Variants in CCDC91 observed in about 807,000 individuals in gnomAD.
The protein encoded by CCDC91 is coiled-coil domain-containing protein 91.
Under a neutral mutation model 63.2 loss-of-function variants are expected in CCDC91, and 48 were observed. The ratio of observed to expected loss-of-function variants is 0.76; its 90% CI spans 0.60 to 0.97. The LOEUF is 0.97. CCDC91 is among the 50% of genes least tolerant of loss of function. The probability of loss-of-function intolerance (pLI) is 0.00; values close to 1 mark genes in which losing one functional copy is unlikely to be tolerated. For synonymous variants in CCDC91, 167 were observed against 165.8 expected (o/e 1.01, Z -0.06); for missense variants, 500 against 494.6 (o/e 1.01, Z -0.10).
chr12:28,415,747 G>C (rs1467318899), intron 8 of CCDC91, among the ~76,000 whole-genome samples: 8 of 151,656 alleles, frequency 5.3e-5, no homozygotes, highest in South Asian at 4.2e-4. Flanking sequence ...CTCCCTACCT[G>C]AAAATATTCT....
intron 12 of CCDC91, among the ~76,000 whole-genome samples, chr12:28,485,084 A>G (rs1951647632): frequency 6.6e-6 from 1 of 151,932 alleles, no homozygotes; most frequent in South Asian, 2.1e-4. Context: ...AAAATATACG[A>G]TAAGATATTA....
At chr12:28,352,360 G>A (rs1310026523) in intron 6 of CCDC91, among the ~76,000 whole-genome samples, 3 of 152,132 alleles carry the variant, frequency 2.0e-5, no homozygotes, top group Non-Finnish European at 4.4e-5. Flanking sequence ...TCTGTAACAT[G>A]CAGTGCTGTG....
At chr12:28,329,284 C>T (rs1014446566) in intron 6 of CCDC91, among the ~76,000 whole-genome samples, 16 of 152,032 alleles carry the variant, frequency 1.1e-4, no homozygotes, top group Admixed American at 4.6e-4. Flanking sequence ...GACTTTCCGT[C>T]GTTTTATTCA....
rs531561750 is a variant in CCDC91, at chr12:28,252,960, A to T, written c.-14-4242A>T. On this transcript the variant is annotated intron_variant, in intron 1 of 12. Transcript: ENST00000536442. ...AGTTAGCTATTATAATATTCGATAG[A>T]TGAGGAAACTGAGGCACACAATGTT... 5.3e-5 allele frequency among the ~76,000 whole-genome samples: 8 copies of T among 152,312 alleles called. No individual in the cohort carries two copies. The East Asian group carries it at 1.4e-3, about 26-fold the overall frequency.
At chr12:28,490,842 A>G (rs1418763255) in intron 12 of CCDC91, among the ~76,000 whole-genome samples, 1 of 151,572 alleles carries the variant, frequency 6.6e-6, no homozygotes, top group African/African-American at 2.4e-5. Context: ...TGCTCTTTTC[A>G]CTTGCATAAG....
Position 28,549,299 on chromosome 12 carries a change from G to C in CCDC91, c.*126G>C, listed in dbSNP as rs1159368207. ...ATGTAGAATTGATTTCCAGTTCAAG[G>C]ATAAACCAAAACAATATTTAGAACT... On this transcript the variant is annotated 3_prime_UTR_variant, in exon 13 of 13. Transcript: ENST00000536442. 5.1e-6 allele frequency: 3 copies of C among 583,922 alleles called. No homozygotes were observed. Among genetic ancestry groups the C allele is most frequent in the Non-Finnish European group, 9.3e-6 (3 of 322,786 alleles). 36.2% of individuals were successfully genotyped at this position (583,922 alleles called of 1,614,324 possible). A position where few individuals can be genotyped will look rare whatever the true frequency, so the allele number is the denominator to read the frequency against.
chr12:28,530,917 A>G (rs565840120), intron 12 of CCDC91, among the ~76,000 whole-genome samples: 6 of 152,230 alleles, frequency 3.9e-5, no homozygotes, highest in East Asian at 1.9e-4. Flanking sequence ...TGCCAGTTAT[A>G]AGAGGGCTTG....
At chr12:28,384,970 A>T (rs1945511573) in intron 7 of CCDC91, among the ~76,000 whole-genome samples, 1 of 152,076 alleles carries the variant, frequency 6.6e-6, no homozygotes, top group African/African-American at 2.4e-5. Flanking sequence ...ACAATTTAAT[A>T]TCCTTACAAA....
intron 12 of CCDC91, among the ~76,000 whole-genome samples, chr12:28,534,650 A>G (rs1455087017): frequency 6.6e-6 from 1 of 152,206 alleles, no homozygotes; most frequent in Non-Finnish European, 1.5e-5. Flanking sequence ...GCAAGACTCA[A>G]ACATGTCTTT....
chr12:28,392,573 A>T (rs116038024), intron 8 of CCDC91, among the ~76,000 whole-genome samples: 1 of 152,220 alleles, frequency 6.6e-6, no homozygotes, highest in Non-Finnish European at 1.5e-5. Flanking sequence ...CCCAATCACA[A>T]TGGGGCCAGA....
chr12:28,320,620 G>A (rs901320895), intron 6 of CCDC91, among the ~76,000 whole-genome samples: 2 of 151,876 alleles, frequency 1.3e-5, no homozygotes, highest in Non-Finnish European at 2.9e-5. Flanking sequence ...CTAGTTTGAA[G>A]CAAATGCTTA....
chr12:28,362,384 T>C, intron 6 of CCDC91, 54 bp from the exon 7 acceptor site: 1 of 1,300,248 alleles, frequency 7.7e-7, no homozygotes. Flanking sequence ...GTTTTATTAT[T>C]TTGAAAACAA....
At position 28,450,364 on chromosome 12, in the gene CCDC91, G is replaced by A. The variant is rs754599097; in HGVS notation, c.870G>A (p.Lys290=). 2 of 1,612,072 alleles carry A rather than the reference G, an allele frequency of 1.2e-6. No individual in the cohort carries two copies. Among genetic ancestry groups the A allele is most frequent in the Non-Finnish European group, 1.7e-6 (2 of 1,178,460 alleles). The change falls in exon 10 of 13, where the codon AAG becomes AAA. Residue 290 remains lysine (K), a synonymous_variant. Transcript: ENST00000536442. ...TCATTTGACAGGAAATATTGGAAAAGTGTTTGGAGGAAGAAAGGCAAAGAA... is the reference window on the plus strand; with the variant it reads ...TCATTTGACAGGAAATATTGGAAAAATGTTTGGAGGAAGAAAGGCAAAGAA... The part of the protein sequence containing the change: ...QSQEQKEILE[K]CLEEERQRNK...
intron 8 of CCDC91, among the ~76,000 whole-genome samples, chr12:28,422,096 T>C (rs1948050165): frequency 6.6e-6 from 1 of 152,142 alleles, no homozygotes; most frequent in South Asian, 2.1e-4. Context: ...TCTATCACTT[T>C]AGGATTTGCC....
intron 6 of CCDC91, among the ~76,000 whole-genome samples, chr12:28,310,075 T>C (rs1006264921): frequency 2.6e-5 from 4 of 152,054 alleles, no homozygotes; most frequent in African/African-American, 9.7e-5. Context: ...TGAACTAATA[T>C]CATGCACCCT....
At chr12:28,433,055 T>TG (rs1458230742) in intron 8 of CCDC91, among the ~76,000 whole-genome samples, 1 of 152,086 alleles carries the variant, frequency 6.6e-6, no homozygotes. Flanking sequence ...CATTTTTTTT[T>TG]AAGTCAGGCC....
At chr12:28,335,219 G>A (rs1322620100) in intron 6 of CCDC91, among the ~76,000 whole-genome samples, 2 of 131,690 alleles carry the variant, frequency 1.5e-5, no homozygotes, top group Non-Finnish European at 3.2e-5. Flanking sequence ...ATATAAATAT[G>A]TAGATAAATA....
At chr12:28,477,058 G>A (rs1169649923) in intron 11 of CCDC91, among the ~76,000 whole-genome samples, 6 of 152,212 alleles carry the variant, frequency 3.9e-5, no homozygotes, top group Non-Finnish European at 7.4e-5. Context: ...GGAGGAGCTG[G>A]TACCATTCCT....
At chr12:28,304,542 AT>A in intron 3 of CCDC91, 3 of 465,466 alleles carry the variant, frequency 6.4e-6, no homozygotes, top group Middle Eastern at 5.0e-4. Flanking sequence ...GTATAAGATA[AT>A]TGAATTCTTA....
Sources: gnomAD v4.1 joint callset for allele counts (sites outside exome capture counted in the v4.1 genomes callset) on GRCh38, gnomAD v4.1.1 for gene constraint, MANE v1.5 for transcripts, NCBI Gene and HGNC (gene_info 2026-07-23, HGNC 2026-07-21) for gene names.